Variants in CDHR2 observed in about 807,000 individuals in gnomAD.
CDHR2 encodes the protein cadherin related family member 2.
A neutral mutation model predicts 138.6 loss-of-function variants in CDHR2; 104 were observed. That is an observed-to-expected ratio of 0.75 (90% CI 0.64 to 0.88). CDHR2 has a LOEUF of 0.88. Among genes scored for constraint, CDHR2 ranks in the 40% least tolerant of loss-of-function variants. The pLI, the probability that CDHR2 is intolerant of heterozygous loss-of-function variation, is 0.00. For missense variants in CDHR2, 1,624 were observed against 1,727.6 expected (o/e 0.94, Z 1.06); for synonymous variants, 755 against 742.8 (o/e 1.02, Z -0.27).
upstream of CDHR2, among the ~76,000 whole-genome samples, chr5:176,549,214 G>A (rs1757651475): frequency 6.6e-6 from 1 of 152,166 alleles, no homozygotes; most frequent in South Asian, 2.1e-4. Flanking sequence ...CCTGTCCGGC[G>A]CCCCCAGCTG....
At chr5:176,559,256 C>T (rs770384554) in intron 1 of CDHR2, among the ~76,000 whole-genome samples, 6 of 152,190 alleles carry the variant, frequency 3.9e-5, no homozygotes, top group Non-Finnish European at 8.8e-5. Flanking sequence ...TTAGACTTCC[C>T]TTCTCAATAG....
In CDHR2 at chr5:176,574,188, G is replaced by T. The variant is rs1078628; in HGVS notation, c.495+16G>T. On this transcript the variant is annotated intron_variant, in intron 7 of 31. Transcript: ENST00000261944. ...CATAGAGAAGGTGAGTGTGAAGGGG[G>T]CCCTGACCGCCTTTGTGACCGCCAG... is the stretch of plus-strand genomic sequence containing the variant. 3.1e-6 allele frequency: 5 copies of T among 1,592,988 alleles called. No individual in the cohort carries two copies. Among genetic ancestry groups the T allele is most frequent in the Non-Finnish European group, 4.3e-6 (5 of 1,161,170 alleles).
intron 1 of CDHR2, among the ~76,000 whole-genome samples, chr5:176,562,707 G>T (rs375438924): frequency 4.7e-4 from 71 of 152,288 alleles, no homozygotes; most frequent in African/African-American, 1.7e-3. Context: ...CTCCGGCCAA[G>T]ACCAGAGACA....
intron 16 of CDHR2, among the ~76,000 whole-genome samples, chr5:176,579,762 A>G (rs1377335436): frequency 1.3e-5 from 2 of 152,192 alleles, no homozygotes; most frequent in African/African-American, 4.8e-5. Context: ...GTTGAGTCGG[A>G]GTGGTCCCAC....
At chr5:176,555,917 AC>A (rs369846801) in intron 1 of CDHR2, among the ~76,000 whole-genome samples, 3,569 of 122,550 alleles carry the variant, frequency 0.029, 141 homozygotes, top group African/African-American at 0.096. Context: ...AACAAAAAAA[AC>A]CCCCTCTGAA....
intron 3 of CDHR2, among the ~76,000 whole-genome samples, chr5:176,567,754 A>T (rs985374880): frequency 3.3e-5 from 5 of 152,056 alleles, no homozygotes; most frequent in Non-Finnish European, 7.4e-5. Flanking sequence ...CCACCTCTCA[A>T]AGTGCTGGGA....
intron 1 of CDHR2, among the ~76,000 whole-genome samples, chr5:176,555,308 C>A (rs1331668224): frequency 6.6e-6 from 1 of 152,212 alleles, no homozygotes; most frequent in East Asian, 1.9e-4. Context: ...CACGGGAGGC[C>A]TGCCTCCTTC....
In CDHR2 at chr5:176,543,363, G is replaced by A. The variant is rs1757502978; in HGVS notation, c.-16+594G>A. On this transcript the variant is annotated intron_variant, in intron 1 of 31. Transcript: ENST00000510636. The surrounding 1 kb of genome is among the most constrained non-coding windows in gnomAD (Gnocchi z 4.0). ...CTGCGGCCCGCGCGCCGCCTGCCGCGGCCCCTCTCCGGCCCGGTGCAGGGG... is the reference window on the plus strand; with the variant it reads ...CTGCGGCCCGCGCGCCGCCTGCCGCAGCCCCTCTCCGGCCCGGTGCAGGGG... Among the ~76,000 whole-genome samples, 1 of 149,166 alleles carries A rather than the reference G, an allele frequency of 6.7e-6. No individual in the cohort carries two copies. The highest frequency in any genetic ancestry group is 6.7e-5 in the Admixed American group (1 of 15,008).
Position 176,575,181 on chromosome 5 carries a change from C to T in CDHR2, c.593C>T (p.Ala198Val), listed in dbSNP as rs147962895. Reference sequence around the variant, plus strand: ...AGCCTCAGCTACAACAACAAGAGCGCTTTCTACCAGCTGGAGCTGAAGGCC... The same window carrying T: ...AGCCTCAGCTACAACAACAAGAGCGTTTTCTACCAGCTGGAGCTGAAGGCC... ...NGSLSYNNKS[A>V]FYQLELKACD... is the part of the protein sequence containing the mutation. Residue 198 changes from alanine to valine, a missense_variant, in exon 8 of 32, where the codon GCT becomes GTT. Ala to Val is a moderately conservative substitution (Grantham distance 64, BLOSUM62 0). Coordinates refer to ENST00000261944, the MANE Select transcript of CDHR2 (RefSeq NM_017675.6). 6.2e-7 allele frequency: 1 copy of T among 1,614,228 alleles called. No homozygotes were observed. The highest frequency in any genetic ancestry group is 8.5e-7 in the Non-Finnish European group (1 of 1,180,046).
In CDHR2 at chr5:176,562,045, G is replaced by A. The variant is rs184555066; in HGVS notation, c.-15-3293G>A. Among the ~76,000 whole-genome samples, 459 of 152,274 alleles carry A rather than the reference G, an allele frequency of 3.0e-3. 4 individuals carry two copies. Among genetic ancestry groups the A allele is most frequent in the African/African-American group, 0.011 (440 of 41,562 alleles). ...TAGTGAGAGCAGGCAGAGGGAGTCT[G>A]TGGGCGTGCGGGAGATGAGGGGTGG... On this transcript the variant is annotated intron_variant, in intron 1 of 31. Coordinates refer to ENST00000261944, the MANE Select transcript of CDHR2 (RefSeq NM_017675.6).
intron 1 of CDHR2, among the ~76,000 whole-genome samples, chr5:176,563,384 G>A (rs1381963121): frequency 6.6e-6 from 1 of 152,036 alleles, no homozygotes; most frequent in Non-Finnish European, 1.5e-5. Context: ...GGTTATGGCT[G>A]GTGGAACAGG....
Position 176,575,173 on chromosome 5 carries a change from C to T in CDHR2, c.585C>T (p.Asn195=), listed in dbSNP as rs774881341. Residue 195 remains asparagine, a synonymous_variant, in exon 8 of 32, where the codon AAC becomes AAT. Coordinates refer to ENST00000261944, the MANE Select transcript of CDHR2 (RefSeq NM_017675.6). ...TCAATGGCAGCCTCAGCTACAACAA[C>T]AAGAGCGCTTTCTACCAGCTGGAGC... The part of the protein sequence containing the change: ...IVLNGSLSYN[N]KSAFYQLELK... 2 of 1,614,226 alleles carry T rather than the reference C, an allele frequency of 1.2e-6. No homozygotes were observed. The highest frequency in any genetic ancestry group is 2.2e-5 in the South Asian group (2 of 91,090).
chr5:176,578,500 C>G lies in CDHR2; in HGVS notation c.1710C>G (p.Thr570=), dbSNP rs200810105. 6.2e-7 allele frequency: 1 copy of G among 1,613,894 alleles called. No homozygotes were observed. Among genetic ancestry groups the G allele is most frequent in the African/African-American group, 1.3e-5 (1 of 74,920 alleles). ...ACGGCGGGAACCTGTCCTCCTCCACCACACTGCAGATCCACCTGCTGGACA... is the reference window on the plus strand; with the variant it reads ...ACGGCGGGAACCTGTCCTCCTCCACGACACTGCAGATCCACCTGCTGGACA... ...ATDGGNLSSS[T]TLQIHLLDIN... is the part of the protein sequence containing the mutation. The change falls in exon 16 of 32, where the codon ACC becomes ACG. Residue 570 remains threonine, a synonymous_variant. Coordinates refer to ENST00000261944, the MANE Select transcript of CDHR2 (RefSeq NM_017675.6).
chr5:176,588,363 T>TTG (rs34447508), intron 21 of CDHR2, among the ~76,000 whole-genome samples: 45,834 of 150,554 alleles, frequency 0.3, 7,209 homozygotes, highest in African/African-American at 0.4. Flanking sequence ...TTGAGTGTAT[T>TTG]TGTGTGAGTG....
intron 20 of CDHR2, 103 bp downstream of exon 20, chr5:176,586,128 G>C (rs1051026852): frequency 1.6e-4 from 135 of 842,284 alleles, no homozygotes; most frequent in Non-Finnish European, 2.5e-4. Context: ...CCTTTAGAAA[G>C]GGGGGAAGGC....
rs780188878 is a variant in CDHR2 at position 176,590,618 on chromosome 5, T to C, written c.3470T>C (p.Ile1157Thr). 11 of 1,613,892 alleles carry C rather than the reference T, an allele frequency of 6.8e-6. No homozygotes were observed. The highest frequency in any genetic ancestry group is 9.3e-6 in the Non-Finnish European group (11 of 1,179,992). ...DLSKQLISVI[I>T]GLGVALLLVL... ...TCGAAACAGCTCATCAGTGTCATCA[T>C]AGGATTGGGAGTGGCTTTGCTGCTG... is the stretch of plus-strand genomic sequence containing the variant. The change falls in exon 28 of 32, where the codon ATA (isoleucine) becomes ACA (threonine). Residue 1157 changes from isoleucine to threonine, a missense_variant. This residue lies in a region of CDHR2 where 556 missense variants were observed against 565.7 expected (regional missense o/e 0.98). Transcript: ENST00000261944.
intron 5 of CDHR2, among the ~76,000 whole-genome samples, chr5:176,570,020 C>T (rs1758187387): frequency 6.6e-6 from 1 of 152,128 alleles, no homozygotes; most frequent in African/African-American, 2.4e-5. Context: ...CCAGCTCACT[C>T]CCACTGAAGT....
At chr5:176,560,437 T>A (rs1363878675) in intron 1 of CDHR2, among the ~76,000 whole-genome samples, 1 of 150,546 alleles carries the variant, frequency 6.6e-6, no homozygotes, top group East Asian at 1.9e-4. Context: ...CAAAAAAGAA[T>A]GATTAATACA....
intron 3 of CDHR2, among the ~76,000 whole-genome samples, 168 bp from the exon 4 acceptor site, chr5:176,568,510 G>C (rs1236266277): frequency 1.3e-5 from 2 of 152,246 alleles, no homozygotes; most frequent in African/African-American, 4.8e-5. Context: ...TGGGCACAAG[G>C]GAAATCAGGA....
Sources: gnomAD v4.1 joint callset for allele counts (sites outside exome capture counted in the v4.1 genomes callset) on GRCh38, gnomAD v4.1.1 for gene constraint, gnomAD v4.1.1 regional missense constraint, Gnocchi (gnomAD v3.1) non-coding constraint, MANE v1.5 for transcripts, NCBI Gene and HGNC (gene_info 2026-07-23, HGNC 2026-07-21) for gene names.